Variants in CNTN5 observed in about 807,000 individuals in gnomAD.
The protein encoded by CNTN5 is contactin-5.
Under a neutral mutation model 129.1 loss-of-function variants are expected in CNTN5, and 77 were observed. The observed-to-expected ratio is 0.60, with a 90% confidence interval of 0.50 to 0.72. CNTN5 has a LOEUF of 0.72. Among genes scored for constraint, CNTN5 ranks in the 30% least tolerant of loss-of-function variants. The probability of loss-of-function intolerance (pLI) is 0.00; values close to 1 mark genes in which losing one functional copy is unlikely to be tolerated. For synonymous variants in CNTN5, 509 were observed against 465.6 expected (o/e 1.09, Z -1.20); for missense variants, 1,478 against 1,328.8 (o/e 1.11, Z -1.75).
Position 99,479,400 on chromosome 11 carries a change from C to A in CNTN5, c.-70-76745C>A, listed in dbSNP as rs189297051. ...TAATACAGTTCTGAAAAAAAGAAAC[C>A]CTTTGACTGGTTTTACTTAATTCAT... On this transcript the variant is annotated intron_variant, in intron 2 of 24. Coordinates refer to ENST00000524871, the MANE Select transcript of CNTN5 (RefSeq NM_014361.4). 3.3e-4 allele frequency among the ~76,000 whole-genome samples: 50 copies of A among 151,702 alleles called. No individual in the cohort carries two copies. In the East Asian group the frequency reaches 6.2e-3, roughly 19 times the overall value.
intron 1 of CNTN5, among the ~76,000 whole-genome samples, chr11:99,148,782 T>TA (rs1345346962): frequency 6.6e-6 from 1 of 152,190 alleles, no homozygotes; most frequent in East Asian, 1.9e-4. Context: ...CATCTTTTTT[T>TA]ATTTCTACTC....
At position 99,112,233 on chromosome 11, in the gene CNTN5, C is replaced by T. The variant is rs142581869; in HGVS notation, c.-210+90963C>T. Among the ~76,000 whole-genome samples, 342 of 151,938 alleles carry T rather than the reference C, an allele frequency of 2.3e-3. 3 individuals carry two copies. The highest frequency in any genetic ancestry group is 7.7e-3 in the African/African-American group (319 of 41,520). On this transcript the variant is annotated intron_variant, in intron 1 of 24. Transcript: ENST00000524871. Reference sequence around the variant, plus strand: ...TTGCAGTTTATAAATTAACTTATTTCGATAAAAATGTAATAAACGTCTATT... The same window carrying T: ...TTGCAGTTTATAAATTAACTTATTTTGATAAAAATGTAATAAACGTCTATT...
chr11:99,677,954 ACT>A (rs767297585), intron 3 of CNTN5, among the ~76,000 whole-genome samples: 1 of 151,920 alleles, frequency 6.6e-6, no homozygotes, highest in Non-Finnish European at 1.5e-5. Context: ...TCTCCTTGGT[ACT>A]CTCGAAAAAA....
At chr11:99,591,915 A>C (rs921409454) in intron 3 of CNTN5, among the ~76,000 whole-genome samples, 3 of 152,224 alleles carry the variant, frequency 2.0e-5, no homozygotes, top group African/African-American at 7.2e-5. Context: ...AATAAAAATC[A>C]ATATTGAAAT....
chr11:100,086,145 C>T (rs2137961713), intron 13 of CNTN5, among the ~76,000 whole-genome samples: 1 of 151,670 alleles, frequency 6.6e-6, no homozygotes, highest in Admixed American at 6.6e-5. Context: ...ACTTAGTAGC[C>T]AAGAGGTAGT....
chr11:99,290,875 A>G (rs917324820), intron 1 of CNTN5, among the ~76,000 whole-genome samples: 3 of 151,828 alleles, frequency 2.0e-5, no homozygotes, highest in Non-Finnish European at 4.4e-5. Flanking sequence ...TTATGCTTTA[A>G]CTTACTTTGA....
chr11:99,878,819 C>T (rs1273745703), intron 6 of CNTN5, among the ~76,000 whole-genome samples: 1 of 152,122 alleles, frequency 6.6e-6, no homozygotes, highest in Non-Finnish European at 1.5e-5. Context: ...TGGGCCAATG[C>T]ACTCCAGCCT....
intron 1 of CNTN5, among the ~76,000 whole-genome samples, chr11:99,257,057 T>G (rs1353394120): frequency 6.6e-6 from 1 of 152,096 alleles, no homozygotes; most frequent in Non-Finnish European, 1.5e-5. Flanking sequence ...CAGATTCAGA[T>G]TCGGGTCTGC....
chr11:99,854,775 G>A (rs1378323170), intron 6 of CNTN5, among the ~76,000 whole-genome samples: 2 of 152,086 alleles, frequency 1.3e-5, no homozygotes, highest in East Asian at 3.9e-4. Flanking sequence ...CACAAAACAT[G>A]TTGAGAGACT....
At chr11:100,140,785 A>G (rs184344793) in intron 13 of CNTN5, among the ~76,000 whole-genome samples, 4 of 152,178 alleles carry the variant, frequency 2.6e-5, no homozygotes, top group Non-Finnish European at 4.4e-5. Context: ...TTTTCAAGGA[A>G]TGAAAGTGAT....
intron 6 of CNTN5, among the ~76,000 whole-genome samples, chr11:99,910,159 T>C (rs1949621103): frequency 6.6e-6 from 1 of 152,094 alleles, no homozygotes; most frequent in African/African-American, 2.4e-5. Flanking sequence ...TCTTGTTACC[T>C]AATTTTAGTG....
intron 1 of CNTN5, among the ~76,000 whole-genome samples, chr11:99,165,090 T>C (rs192540046): frequency 5.0e-4 from 76 of 152,312 alleles, no homozygotes; most frequent in Admixed American, 3.3e-3. Flanking sequence ...AGTGGTTTAA[T>C]GAATGCATTT....
At chr11:99,532,809 C>A (rs556791980) in intron 2 of CNTN5, among the ~76,000 whole-genome samples, 1 of 152,050 alleles carries the variant, frequency 6.6e-6, no homozygotes, top group African/African-American at 2.4e-5. Flanking sequence ...TATAAAAACT[C>A]TTTTTCCTCC....
intron 2 of CNTN5, among the ~76,000 whole-genome samples, chr11:99,555,012 C>G (rs1263203883): frequency 6.6e-6 from 1 of 151,460 alleles, no homozygotes; most frequent in Non-Finnish European, 1.5e-5. Flanking sequence ...ATTAATGATC[C>G]CCAAATATAA....
intron 4 of CNTN5, among the ~76,000 whole-genome samples, chr11:99,820,364 G>T (rs773416709): frequency 1.3e-5 from 2 of 152,282 alleles, no homozygotes; most frequent in Admixed American, 1.3e-4. Flanking sequence ...TGTATTCTGT[G>T]TAAGAAAATA....
chr11:99,189,544 C>T (rs914455664), intron 1 of CNTN5, among the ~76,000 whole-genome samples: 2 of 151,600 alleles, frequency 1.3e-5, no homozygotes, highest in African/African-American at 4.8e-5. Flanking sequence ...CGTGTCAACA[C>T]TTATTATCTT....
chr11:99,292,146 G>T (rs902342917), intron 1 of CNTN5, among the ~76,000 whole-genome samples: 1 of 151,322 alleles, frequency 6.6e-6, no homozygotes, highest in Non-Finnish European at 1.5e-5. Flanking sequence ...TTTCATTCTG[G>T]CAAAAATAAA....
At chr11:100,095,282 G>A (rs561552668) in intron 13 of CNTN5, among the ~76,000 whole-genome samples, 1 of 152,190 alleles carries the variant, frequency 6.6e-6, no homozygotes, top group African/African-American at 2.4e-5. Context: ...TAGAAGTCTT[G>A]TTGTCATTGT....
chr11:99,092,185 C>T (rs751891827), intron 1 of CNTN5, among the ~76,000 whole-genome samples: 1 of 152,046 alleles, frequency 6.6e-6, no homozygotes, highest in East Asian at 1.9e-4. Context: ...ATTTTAGGTG[C>T]AATTTTTAAA....
Sources: gnomAD v4.1 joint callset for allele counts (sites outside exome capture counted in the v4.1 genomes callset) on GRCh38, gnomAD v4.1.1 for gene constraint, MANE v1.5 for transcripts, NCBI Gene and HGNC (gene_info 2026-07-23, HGNC 2026-07-21) for gene names.